NSUN7: variants seen among roughly 807,000 people sequenced by gnomAD.
The protein encoded by NSUN7 is NOP2/Sun RNA methyltransferase family member 7.
A neutral mutation model predicts 58.5 loss-of-function variants in NSUN7; 39 were observed. The observed-to-expected ratio is 0.67, with a 90% CI of 0.52 to 0.87. The LOEUF (loss-of-function observed/expected upper bound fraction) is 0.87, where lower values mean the gene tolerates loss of function less well. Ranked by LOEUF, NSUN7 falls within the 40% of genes least tolerant of loss-of-function variation. The probability of loss-of-function intolerance (pLI) is 0.00; values close to 1 mark genes in which losing one functional copy is unlikely to be tolerated. For synonymous variants in NSUN7, 278 were observed against 303.7 expected, an observed-to-expected ratio of 0.92 and a Z score of 0.88; for missense variants, 765 against 844.1, an observed-to-expected ratio of 0.91 and a Z score of 1.16.
At chr4:40,794,336 ATGGTGCTATAT>A in intron 8 of NSUN7, 28 bp from the exon 9 acceptor site, 2 of 1,182,780 alleles carry the variant, frequency 1.7e-6, no homozygotes, top group Non-Finnish European at 2.5e-6. Flanking sequence ...AAAGTTTTTA[ATGGTGCTATAT>A]TTAAAAGCAT....
intron 4 of NSUN7, among the ~76,000 whole-genome samples, chr4:40,769,581 T>A (rs1741899768): frequency 6.6e-6 from 1 of 152,216 alleles, no homozygotes; most frequent in African/African-American, 2.4e-5. Flanking sequence ...TTTTTCTTCT[T>A]TATTGTATTA....
At position 40,808,513 on chromosome 4, in the gene NSUN7, T is replaced by A; in HGVS notation, c.1731T>A (p.Ser577Arg). ...TCCTGAATCGAGAAACTAAAGCCAG[T>A]GCTAATCTATCAGAGACTGTAACAA... ...AEFLNRETKA[S>R]ANLSETVTKP... Residue 577 changes from serine (S) to arginine (R), a missense_variant, in exon 12 of 12, where the codon AGT becomes AGA. Transcript: ENST00000381782. 1 of 1,553,836 alleles carries A rather than the reference T, an allele frequency of 6.4e-7. No homozygotes were observed. Among genetic ancestry groups the A allele is most frequent in the Non-Finnish European group, 8.7e-7 (1 of 1,147,728 alleles).
intron 9 of NSUN7, among the ~76,000 whole-genome samples, chr4:40,794,794 A>G (rs1743246846): frequency 6.6e-6 from 1 of 152,172 alleles, no homozygotes; most frequent in Non-Finnish European, 1.5e-5. Context: ...TTCTTACTCG[A>G]TATAATTTTT....
chr4:40,767,962 C>T (rs186334846), intron 4 of NSUN7, among the ~76,000 whole-genome samples: 1 of 152,140 alleles, frequency 6.6e-6, no homozygotes, highest in Non-Finnish European at 1.5e-5. Flanking sequence ...TCTTACCTCC[C>T]ATTTCTAAAT....
intron 4 of NSUN7, among the ~76,000 whole-genome samples, chr4:40,768,812 C>G (rs1741860563): frequency 6.6e-6 from 1 of 152,142 alleles, no homozygotes; most frequent in African/African-American, 2.4e-5. Flanking sequence ...GACCACAACC[C>G]CTTGTTTCTC....
At chr4:40,758,473 G>A (rs548922507) in intron 2 of NSUN7, among the ~76,000 whole-genome samples, 2 of 152,202 alleles carry the variant, frequency 1.3e-5, no homozygotes, top group African/African-American at 4.8e-5. Flanking sequence ...GGATTTCTAT[G>A]GGAAAACTGG....
intron 2 of NSUN7, among the ~76,000 whole-genome samples, chr4:40,755,452 T>TAA (rs879633425): frequency 6.6e-6 from 1 of 151,374 alleles, no homozygotes; most frequent in Non-Finnish European, 1.5e-5. Flanking sequence ...ACAACAAATT[T>TAA]AAAAAAAAAT....
rs141937399 is a variant in NSUN7 at position 40,750,870 on chromosome 4, C to G, written c.177C>G (p.Ile59Met). 3.4e-5 allele frequency: 55 copies of G among 1,614,196 alleles called. No homozygotes were observed. Among genetic ancestry groups the G allele is most frequent in the Middle Eastern group, 1.6e-4 (1 of 6,062 alleles). Residue 59 changes from isoleucine (I) to methionine (M), a missense_variant, in exon 2 of 12, where the codon ATC becomes ATG. By Grantham distance (10) the Ile-to-Met change is conservative. Transcript: ENST00000381782. ...CCAACATTTTTCAGGGTATTCGAAT[C>G]GAAAAGTCGGCACAGAAAGTCTTAA... ...MAANIFQGIR[I>M]EKSAQKVLIK...
intron 9 of NSUN7, among the ~76,000 whole-genome samples, chr4:40,796,590 A>G (rs2154288950): frequency 6.6e-6 from 1 of 152,272 alleles, no homozygotes; most frequent in East Asian, 1.9e-4. Context: ...TGATCACCTC[A>G]CTGCACTCCA....
chr4:40,786,681 A>G, intron 7 of NSUN7: 27 of 1,580,222 alleles, frequency 1.7e-5, no homozygotes, highest in Non-Finnish European at 2.3e-5. Context: ...TTAAAAGAAG[A>G]AAAATGTTGC....
chr4:40,791,932 A>G (rs79962347), intron 8 of NSUN7, among the ~76,000 whole-genome samples: 1 of 152,206 alleles, frequency 6.6e-6, no homozygotes, highest in Admixed American at 6.5e-5. Context: ...TCATGTAGCT[A>G]GTAAGTAGGG....
At chr4:40,790,855 C>A in intron 8 of NSUN7, 110 bp downstream of exon 8, 1 of 821,772 alleles carries the variant, frequency 1.2e-6, no homozygotes, top group Non-Finnish European at 1.9e-6. Context: ...TAAATAATAG[C>A]AACCACATAT....
At chr4:40,757,619 ATATATATATACATTGTGTG>A (rs1413885888) in intron 2 of NSUN7, among the ~76,000 whole-genome samples, 14 of 144,708 alleles carry the variant, frequency 9.7e-5, no homozygotes, top group East Asian at 2.0e-4. Context: ...CATTGTGTGT[ATATATATATACATTGTGTG>A]TATATATATA....
At chr4:40,789,496 C>T (rs888972480) in intron 7 of NSUN7, among the ~76,000 whole-genome samples, 2 of 140,870 alleles carry the variant, frequency 1.4e-5, no homozygotes, top group African/African-American at 2.7e-5. Context: ...TTTTTGGTGT[C>T]GTTACATTTT....
chr4:40,757,207 C>T (rs1193105926), intron 2 of NSUN7, among the ~76,000 whole-genome samples: 5 of 151,910 alleles, frequency 3.3e-5, no homozygotes, highest in African/African-American at 1.2e-4. Flanking sequence ...CCAGCCTGGG[C>T]GACAGAGCAA....
rs1744017813 is a variant in NSUN7 at position 40,808,858 on chromosome 4, ACACT to A, written c.2081_2084del (p.Ser694TyrfsTer47). On this transcript the variant is annotated frameshift_variant, in exon 12 of 12. Coordinates refer to ENST00000381782, the MANE Select transcript of NSUN7 (RefSeq NM_024677.6). LOFTEE classifies it low-confidence loss of function (END_TRUNC). ...CACTTGTGCCCACCTGCCTTCCCAC[ACACT>A]CACTATCCAGAAAAGAGGAAAAGCC... is the stretch of plus-strand genomic sequence containing the variant. 3.2e-6 allele frequency: 5 copies of A among 1,548,542 alleles called. No homozygotes were observed. The highest frequency in any genetic ancestry group is 2.8e-5 in the African/African-American group (2 of 72,628).
At chr4:40,778,770 T>A (rs568369251) in intron 7 of NSUN7, among the ~76,000 whole-genome samples, 1 of 152,262 alleles carries the variant, frequency 6.6e-6, no homozygotes, top group South Asian at 2.1e-4. Flanking sequence ...AAGGTATTGG[T>A]GAGTAGCCAG....
intron 10 of NSUN7, among the ~76,000 whole-genome samples, chr4:40,800,226 A>T (rs1395924197): frequency 6.6e-6 from 1 of 151,998 alleles, no homozygotes; most frequent in Non-Finnish European, 1.5e-5. Flanking sequence ...TCATTTCTCT[A>T]TTACTGAGGT....
chr4:40,761,461 C>T (rs1741461145), intron 4 of NSUN7, among the ~76,000 whole-genome samples, 160 bp downstream of exon 4: 1 of 152,064 alleles, frequency 6.6e-6, no homozygotes, highest in South Asian at 2.1e-4. Flanking sequence ...CAGTCTTGAA[C>T]AGGTTAAGAA....
Sources: allele counts gnomAD v4.1 joint callset (sites outside exome capture counted in the v4.1 genomes callset), GRCh38; gene constraint gnomAD v4.1.1; transcripts MANE v1.5; gene names NCBI Gene and HGNC (gene_info 2026-07-23, HGNC 2026-07-21).